Variants in MRPL4 observed in about 807,000 individuals in gnomAD.
MRPL4 encodes the protein mitochondrial ribosomal protein L4, also known as large ribosomal subunit protein uL4m.
A neutral mutation model predicts 34.1 loss-of-function variants in MRPL4; 34 were observed. That is an observed-to-expected ratio of 1.00 (90% CI 0.76 to 1.33). MRPL4 has a LOEUF of 1.33. MRPL4 is among the 40% of genes most tolerant of loss of function. The pLI is 0.00. For synonymous variants in MRPL4, 196 were observed against 188.3 expected (o/e 1.04, Z -0.33); for missense variants, 402 against 434.6 (o/e 0.92, Z 0.67).
In MRPL4 at chr19:10,252,249, C is replaced by T. The variant is rs770200821; in HGVS notation, c.-5C>T. ...ACCTCCCGCGGCGTGGGAGGCTGCG[C>T]GGCGATGCTGCAGTTCGTCCGGGCC... On this transcript the variant is annotated 5_prime_UTR_variant, in exon 1 of 9. Coordinates refer to ENST00000253099, the MANE Select transcript of MRPL4 (RefSeq NM_015956.3). 6 of 1,601,512 alleles carry T rather than the reference C, an allele frequency of 3.7e-6. No individual in the cohort carries two copies. The highest frequency in any genetic ancestry group is 3.3e-5 in the South Asian group (3 of 90,606).
chr19:10,259,592 C>T (rs1483783560), intron 8 of MRPL4, 25 bp from the exon 9 acceptor site: 18 of 1,471,248 alleles, frequency 1.2e-5, no homozygotes, highest in African/African-American at 1.5e-5. Context: ...ACCGGCCCCC[C>T]GCCCCGCCCC....
chr19:10,259,840 C>T lies in MRPL4; in HGVS notation c.*27C>T, dbSNP rs374768644. 36 of 1,575,164 alleles carry T rather than the reference C, an allele frequency of 2.3e-5. No homozygotes were observed. Among genetic ancestry groups the T allele is most frequent in the South Asian group, 1.9e-4 (17 of 88,538 alleles). On this transcript the variant is annotated 3_prime_UTR_variant, in exon 9 of 9. Transcript: ENST00000253099. The stretch of plus-strand genomic sequence containing the variant: ...GTGAAGCACCTCTTCTGAGCCAGGC[C>T]GAGCCCCTGGCCGACTTGGGAGCCT...
At chr19:10,254,087 C>A (rs942298639) in intron 3 of MRPL4, among the ~76,000 whole-genome samples, 1 of 152,044 alleles carries the variant, frequency 6.6e-6, no homozygotes, top group African/African-American at 2.4e-5. Flanking sequence ...GGCATGCTCT[C>A]AGCTCACTTC....
chr19:10,258,132 C>T, intron 5 of MRPL4, 90 bp from the exon 6 acceptor site: 1 of 911,818 alleles, frequency 1.1e-6, no homozygotes, highest in Non-Finnish European at 1.7e-6. Flanking sequence ...CGCCCCCTCT[C>T]TCGTCACCCC....
At chr19:10,252,899 C>A in intron 3 of MRPL4, 198 bp downstream of exon 3, 1 of 785,660 alleles carries the variant, frequency 1.3e-6, no homozygotes, top group Non-Finnish European at 2.0e-6. Context: ...GAGGTGACAT[C>A]ATCTAAGGGT....
Position 10,252,238 on chromosome 19 carries a change from G to A in MRPL4, c.-16G>A. The A allele has an allele frequency of 6.3e-7, 1 of 1,596,096 alleles. No homozygotes were observed. Among genetic ancestry groups the A allele is most frequent in the Non-Finnish European group, 8.5e-7 (1 of 1,173,334 alleles). ...CAGTGGCCTTGACCTCCCGCGGCGT[G>A]GGAGGCTGCGCGGCGATGCTGCAGT... On this transcript the variant is annotated 5_prime_UTR_variant, in exon 1 of 9. Transcript: ENST00000253099.
chr19:10,252,721 G>A lies in MRPL4; in HGVS notation c.275+20G>A. On this transcript the variant is annotated intron_variant, in intron 3 of 8. Transcript: ENST00000253099. Reference sequence around the variant, plus strand: ...GCCCAGGTGAGCGAGGGCTGTAATGGTGAACTGAGTGGCAGAGGGATGAAG... The same window carrying A: ...GCCCAGGTGAGCGAGGGCTGTAATGATGAACTGAGTGGCAGAGGGATGAAG... The A allele has an allele frequency of 6.3e-7, 1 of 1,593,356 alleles. No individual in the cohort carries two copies. The highest frequency in any genetic ancestry group is 1.3e-5 in the African/African-American group (1 of 74,934).
rs1274273240 is a variant in MRPL4 at position 10,252,532 on chromosome 19, A to G, written c.125-19A>G. 1.2e-6 allele frequency: 2 copies of G among 1,612,434 alleles called. No homozygotes were observed. Among genetic ancestry groups the G allele is most frequent in the Non-Finnish European group, 1.7e-6 (2 of 1,179,280 alleles). ...GTCTGACCCTTGACCCTAACCTCTG[A>G]CCCCCGCAATCGCTCCAGGTCTCCC... is the stretch of plus-strand genomic sequence containing the variant. On this transcript the variant is annotated intron_variant, in intron 2 of 8. Transcript: ENST00000253099.
At chr19:10,258,729 C>T in intron 8 of MRPL4, 44 bp downstream of exon 8, 2 of 1,613,990 alleles carry the variant, frequency 1.2e-6, no homozygotes, top group Non-Finnish European at 1.7e-6. Flanking sequence ...TGTGCAGGCT[C>T]CGCTGTTAGA....
In MRPL4 at chr19:10,258,292, G is replaced by C. The variant is rs181228529; in HGVS notation, c.516G>C (p.Leu172=). ...YYMLPMKVRA[L]GLKVALTVKL... is the part of the protein sequence containing the mutation. ...TGCTGCCCATGAAGGTGCGGGCGCT[G>C]GGTCTCAAAGTGGCACTGACCGTCA... Residue 172 remains leucine (L), a synonymous_variant, in exon 6 of 9, where the codon CTG becomes CTC. Transcript: ENST00000253099. The C allele has an allele frequency of 4.6e-5, 75 of 1,614,126 alleles. No individual in the cohort carries two copies. The highest frequency in any genetic ancestry group is 6.4e-5 in the Non-Finnish European group (75 of 1,180,032).
At position 10,259,098 on chromosome 19, in the gene MRPL4, CAAAAAAAAAAA is replaced by C. The variant is rs35481360; in HGVS notation, c.739+430_739+440del. On this transcript the variant is annotated intron_variant, in intron 8 of 8. Transcript: ENST00000253099. ...TGGGGAGAGAGCTAGACTCTTGTCT[CAAAAAAAAAAA>C]AAAAAAAAAAAAAAAAGCTCCAAAG... 5.5e-4 allele frequency: 297 copies of C among 539,826 alleles called. 1 individual carries two copies. Among genetic ancestry groups the C allele is most frequent in the South Asian group, 3.4e-3 (36 of 10,610 alleles). The allele number at this position is 539,826 out of a possible 1,614,324, so 33.4% of individuals were successfully genotyped here.
At chr19:10,252,754 T>G in intron 3 of MRPL4, 53 bp downstream of exon 3, 5 of 1,569,384 alleles carry the variant, frequency 3.2e-6, no homozygotes, top group Non-Finnish European at 4.3e-6. Flanking sequence ...AAGAGCGGGA[T>G]TTCAGGAGTC....
In MRPL4 at chr19:10,258,479, G is replaced by T. The variant is rs1183347402; in HGVS notation, c.619G>T (p.Ala207Ser). Reference protein sequence around the residue: ...TGDPQYLTELAHYRRWGDSVL... With the variant: ...TGDPQYLTELSHYRRWGDSVL... ...AGACCCACAGTACCTGACAGAGCTG[G>T]CGCACTACCGCCGCTGGGGGGACTC... The change falls in exon 7 of 9, where the codon GCG becomes TCG. Residue 207 changes from alanine to serine, a missense_variant. By Grantham distance (99) the Ala-to-Ser change is moderately conservative. Transcript: ENST00000253099. 1.9e-6 allele frequency: 3 copies of T among 1,614,086 alleles called. No homozygotes were observed. Among genetic ancestry groups the T allele is most frequent in the Non-Finnish European group, 2.5e-6 (3 of 1,180,016 alleles).
intron 5 of MRPL4, among the ~76,000 whole-genome samples, chr19:10,257,797 T>C (rs564778661): frequency 2.0e-5 from 3 of 152,080 alleles, no homozygotes; most frequent in Non-Finnish European, 2.9e-5. Context: ...ACACCATAAC[T>C]CATGGTGTCC....
At chr19:10,254,670 G>A in intron 4 of MRPL4, 30 bp downstream of exon 4, 1 of 1,613,436 alleles carries the variant, frequency 6.2e-7, no homozygotes, top group Non-Finnish European at 8.5e-7. Flanking sequence ...AAGGTGGTGG[G>A]AAGGAGCTTC....
At chr19:10,259,323 G>A (rs1041833009) in intron 8 of MRPL4, 86 of 1,378,578 alleles carry the variant, frequency 6.2e-5, no homozygotes, top group Non-Finnish European at 7.8e-5. Context: ...CTGCCCTCCC[G>A]TCATTTGCCC....
rs777536175 is a variant in MRPL4 at position 10,252,589 on chromosome 19, G to A, written c.163G>A (p.Val55Ile). 3.1e-6 allele frequency: 5 copies of A among 1,613,000 alleles called. No homozygotes were observed. The East Asian group carries it at 1.1e-4, about 36-fold the overall frequency. The stretch of plus-strand genomic sequence containing the variant: ...CGTGCTGCGCAAAGTCGAGCTCCCG[G>A]TACCCACTCATCGACGCCCAGTGCA... ...EPVLRKVELPVPTHRRPVQAW... is the reference protein window; with the variant it reads ...EPVLRKVELPIPTHRRPVQAW... Residue 55 changes from valine (V) to isoleucine (I), a missense_variant, in exon 3 of 9, where the codon GTA (valine) becomes ATA (isoleucine). Coordinates refer to ENST00000253099, the MANE Select transcript of MRPL4 (RefSeq NM_015956.3).
chr19:10,259,764 C>T lies in MRPL4; in HGVS notation c.887C>T (p.Pro296Leu). The change falls in exon 9 of 9, where the codon CCC (proline) becomes CTC (leucine). Residue 296 changes from proline (P) to leucine (L), a missense_variant. By Grantham distance (98) the Pro-to-Leu change is moderately conservative (BLOSUM62 -3). Coordinates refer to ENST00000253099, the MANE Select transcript of MRPL4 (RefSeq NM_015956.3). ...FSLPYSDFPR[P>L]LPHATQGPAA... ...CTGCCCTACAGCGACTTCCCCCGAC[C>T]CCTACCCCACGCTACCCAGGGCCCA... The T allele has an allele frequency of 6.2e-7, 1 of 1,614,002 alleles. No homozygotes were observed. Among genetic ancestry groups the T allele is most frequent in the South Asian group, 1.1e-5 (1 of 91,068 alleles).
At chr19:10,259,100 A>G (rs76129268) in intron 8 of MRPL4, 1 of 688,894 alleles carries the variant, frequency 1.5e-6, no homozygotes, top group African/African-American at 2.5e-5. Flanking sequence ...TCTTGTCTCA[A>G]AAAAAAAAAA....
Sources: gnomAD v4.1 joint callset for allele counts (sites outside exome capture counted in the v4.1 genomes callset) on GRCh38, gnomAD v4.1.1 for gene constraint, MANE v1.5 for transcripts, NCBI Gene and HGNC (gene_info 2026-07-23, HGNC 2026-07-21) for gene names.